OPHN1: variants seen among roughly 807,000 people sequenced by gnomAD.
The protein encoded by OPHN1 is oligophrenin-1.
A neutral mutation model predicts 60.7 loss-of-function variants in OPHN1; 11 were observed. The observed-to-expected ratio is 0.18, with a 90% CI of 0.11 to 0.30. OPHN1 has a LOEUF of 0.30. Among genes scored for constraint, OPHN1 ranks in the 10% least tolerant of loss-of-function variants. The pLI is 1.00. For synonymous variants in OPHN1, 226 were observed against 222.6 expected (o/e 1.02, Z -0.14); for missense variants, 449 against 611.0 (o/e 0.73, Z 2.80).
chrX:68,315,147 A>G, intron 2 of OPHN1, among the ~76,000 whole-genome samples: 1 of 109,553 alleles, frequency 9.1e-6, no homozygotes, highest in Non-Finnish European at 1.9e-5. Context: ...AAGGAGTTCG[A>G]GCCTGCAGGG....
chrX:68,388,212 C>A lies in OPHN1; in HGVS notation c.154+44655G>T, dbSNP rs184920457. ...CAGTGGCTCAAACCTGTAATCCCAG[C>A]ACTTTGGGAGGCCAAGGTGGGTGGA... On this transcript the variant is annotated intron_variant, in intron 2 of 24. Coordinates refer to ENST00000355520, the MANE Select transcript of OPHN1 (RefSeq NM_002547.3). 1.9e-5 allele frequency among the ~76,000 whole-genome samples: 2 copies of A among 105,099 alleles called. 1 individual carries two copies. Among genetic ancestry groups the A allele is most frequent in the Admixed American group, 2.2e-4 (2 of 9,213 alleles). 91.3% of individuals were successfully genotyped at this position (105,099 alleles called of 115,157 possible).
chrX:68,349,902 C>T (rs1344884177), intron 2 of OPHN1, among the ~76,000 whole-genome samples: 1 of 109,356 alleles, frequency 9.1e-6, no homozygotes, highest in Non-Finnish European at 1.9e-5. Context: ...CACACTCGGG[C>T]CTGTCAGGGG....
intron 15 of OPHN1, among the ~76,000 whole-genome samples, chrX:68,122,977 G>A (rs7049955): frequency 0.063 from 6,970 of 110,714 alleles, 527 homozygotes; most frequent in African/African-American, 0.22. Context: ...AGTACAAGAC[G>A]GTTATAGAAC....
intron 2 of OPHN1, among the ~76,000 whole-genome samples, chrX:68,368,661 G>C (rs767124426): frequency 8.9e-6 from 1 of 111,830 alleles, no homozygotes; most frequent in Non-Finnish European, 1.9e-5. Context: ...TAGTTTATAA[G>C]TGCAATGCAA....
chrX:68,201,592 T>A, intron 11 of OPHN1, 27 bp downstream of exon 11: 1 of 1,156,634 alleles, frequency 8.6e-7, no homozygotes, highest in East Asian at 3.0e-5. Flanking sequence ...CGTGGGGACA[T>A]TGCCAATTCA....
intron 16 of OPHN1, among the ~76,000 whole-genome samples, chrX:68,116,942 A>T (rs2077129592): frequency 1.8e-5 from 2 of 111,775 alleles, no homozygotes; most frequent in South Asian, 7.5e-4. Flanking sequence ...TGCCTGGACG[A>T]CAGCCATAGC....
At chrX:68,324,484 C>T (rs1339774561) in intron 2 of OPHN1, among the ~76,000 whole-genome samples, 1 of 105,944 alleles carries the variant, frequency 9.4e-6, no homozygotes, top group Non-Finnish European at 1.9e-5. Context: ...GTGGTGCGCG[C>T]TGTAGTCCCA....
intron 19 of OPHN1, among the ~76,000 whole-genome samples, chrX:68,077,822 A>G (rs2076959033): frequency 8.9e-6 from 1 of 112,093 alleles, no homozygotes; most frequent in African/African-American, 3.2e-5. Flanking sequence ...TTAAAACATA[A>G]TAAAAATGAA....
chrX:68,221,155 T>G (rs974649049), intron 6 of OPHN1, among the ~76,000 whole-genome samples: 1 of 77,343 alleles, frequency 1.3e-5, no homozygotes, highest in African/African-American at 4.4e-5. Context: ...GAGAGCCAAA[T>G]CATGAGTGAA....
chrX:68,096,983 C>T lies in OPHN1; in HGVS notation c.1573G>A (p.Gly525Arg). 8.3e-7 allele frequency: 1 copy of T among 1,210,370 alleles called. No individual in the cohort carries two copies. The highest frequency in any genetic ancestry group is 1.1e-6 in the Non-Finnish European group (1 of 894,836). The change falls in exon 19 of 25, where the codon GGA becomes AGA. Residue 525 changes from glycine (G) to arginine (R), a missense_variant. Transcript: ENST00000355520. ...ATCAGGGTGGGCCCAAAGATTACTC[C>T]CATGTTGGAGGGGGTCATAAGATTC... is the stretch of plus-strand genomic sequence containing the variant. ...KENLMTPSNM[G>R]VIFGPTLMRA...
At chrX:68,185,624 T>C (rs190653602) in intron 15 of OPHN1, among the ~76,000 whole-genome samples, 1 of 110,524 alleles carries the variant, frequency 9.0e-6, no homozygotes, top group Non-Finnish European at 1.9e-5. Context: ...CTAGTCATAG[T>C]ATAAGCATGT....
intron 6 of OPHN1, among the ~76,000 whole-genome samples, chrX:68,226,256 T>G (rs1569250297): frequency 8.9e-6 from 1 of 111,750 alleles, no homozygotes; most frequent in Middle Eastern, 4.7e-3. Context: ...ACGCCTGATT[T>G]GTGTACCTGA....
At chrX:68,212,376 G>A (rs761447825) in intron 7 of OPHN1, among the ~76,000 whole-genome samples, 164 bp from the exon 8 acceptor site, 1 of 111,586 alleles carries the variant, frequency 9.0e-6, no homozygotes, top group African/African-American at 3.3e-5. Context: ...CGTGAGGTCA[G>A]GAGTTTGAGA....
intron 2 of OPHN1, among the ~76,000 whole-genome samples, chrX:68,300,274 C>T (rs1424544122): frequency 8.9e-6 from 1 of 111,990 alleles, no homozygotes; most frequent in Admixed American, 9.6e-5. Context: ...CAAGCAACCA[C>T]ACTGAGTCCT....
Position 68,248,934 on chromosome X carries a change from T to C in OPHN1, c.385-14346A>G, listed in dbSNP as rs994635873. On this transcript the variant is annotated intron_variant, in intron 5 of 24. Coordinates refer to ENST00000355520, the MANE Select transcript of OPHN1 (RefSeq NM_002547.3). ...TGGACATAGGGTATAGAAAGATGCT[T>C]ACCAGAGGCTGGGAAAGGTAGTGGA... Among the ~76,000 whole-genome samples the C allele has an allele frequency of 4.7e-4, 53 of 111,723 alleles. 1 individual carries two copies. The highest frequency in any genetic ancestry group is 1.5e-4 in the Non-Finnish European group (8 of 53,180).
intron 6 of OPHN1, among the ~76,000 whole-genome samples, chrX:68,218,208 G>T (rs1419572838): frequency 4.8e-5 from 5 of 103,336 alleles, no homozygotes; most frequent in Non-Finnish European, 7.9e-5. Context: ...ATGAAATGAA[G>T]TGAGAAGGGA....
intron 10 of OPHN1, among the ~76,000 whole-genome samples, chrX:68,202,695 C>T (rs1246283595): frequency 1.8e-5 from 2 of 109,186 alleles, no homozygotes; most frequent in Non-Finnish European, 3.8e-5. Context: ...CGGGATTTCA[C>T]CATGTTGGTC....
intron 9 of OPHN1, among the ~76,000 whole-genome samples, chrX:68,206,922 T>C (rs1014586364): frequency 5.4e-5 from 6 of 110,802 alleles, no homozygotes; most frequent in African/African-American, 1.6e-4. Flanking sequence ...CCATGTTCCC[T>C]ATAAATTGTA....
At position 68,213,980 on chromosome X, in the gene OPHN1, A is replaced by C. The variant is rs753966268; in HGVS notation, c.487-8T>G. ...GTCCACCTGTAGGTCTGCCTGTAGA[A>C]GAAGGAAAACAAACATTACATATTG... On this transcript the variant is annotated splice_polypyrimidine_tract_variant and splice_region_variant and intron_variant, in intron 6 of 24. Coordinates refer to ENST00000355520, the MANE Select transcript of OPHN1 (RefSeq NM_002547.3). 1 of 1,051,470 alleles carries C rather than the reference A, an allele frequency of 9.5e-7. No homozygotes were observed. The highest frequency in any genetic ancestry group is 2.2e-5 in the Admixed American group (1 of 44,881). The allele number at this position is 1,051,470 out of a possible 1,213,427, so 86.7% of individuals were successfully genotyped here. A position where few individuals can be genotyped will look rare whatever the true frequency, so the allele number is the denominator to read the frequency against.
Sources: gnomAD v4.1 joint callset for allele counts (sites outside exome capture counted in the v4.1 genomes callset) on GRCh38, gnomAD v4.1.1 for gene constraint, MANE v1.5 for transcripts, NCBI Gene and HGNC (gene_info 2026-07-23, HGNC 2026-07-21) for gene names.